MYRIP: variants seen among roughly 807,000 people sequenced by gnomAD.
The protein encoded by MYRIP is myosin VIIA and Rab interacting protein, also known as rab effector MyRIP.
In MYRIP, 49 loss-of-function variants were observed where a neutral mutation model predicts 98.0. The observed-to-expected ratio is 0.50, with a 90% CI of 0.40 to 0.63. The LOEUF is 0.63. Ranked by LOEUF, MYRIP falls within the 30% of genes least tolerant of loss-of-function variation. The pLI is 0.00. For missense variants in MYRIP, 1,004 were observed against 1,058.2 expected (o/e 0.95, Z 0.71); for synonymous variants, 404 against 409.5 (o/e 0.99, Z 0.16).
intron 3 of MYRIP, among the ~76,000 whole-genome samples, chr3:40,066,366 G>C (rs1275705695): frequency 6.6e-6 from 1 of 152,158 alleles, no homozygotes; most frequent in African/African-American, 2.4e-5. Context: ...TGCACTTCTG[G>C]GGGACAAAGC....
At chr3:39,972,358 G>A (rs143057719) in intron 2 of MYRIP, among the ~76,000 whole-genome samples, 5 of 152,046 alleles carry the variant, frequency 3.3e-5, no homozygotes, top group African/African-American at 1.2e-4. Flanking sequence ...GCAATTATTT[G>A]CATATTAATT....
intron 3 of MYRIP, among the ~76,000 whole-genome samples, chr3:40,141,953 T>G (rs1949904857): frequency 6.6e-6 from 1 of 152,134 alleles, no homozygotes; most frequent in Non-Finnish European, 1.5e-5. Flanking sequence ...CATACAAATC[T>G]TAGGAATTTC....
At chr3:40,253,644 G>A (rs775017357) in intron 16 of MYRIP, among the ~76,000 whole-genome samples, 1 of 152,104 alleles carries the variant, frequency 6.6e-6, no homozygotes, top group Admixed American at 6.5e-5. Flanking sequence ...TTTGATCAAC[G>A]GAATAAGTTA....
intron 13 of MYRIP, among the ~76,000 whole-genome samples, chr3:40,247,949 T>A (rs1410728666): frequency 1.3e-5 from 2 of 152,230 alleles, no homozygotes; most frequent in African/African-American, 4.8e-5. Flanking sequence ...GACCCTGCCT[T>A]CAGCTTTGTG....
rs117820657 is a variant in MYRIP, at chr3:40,163,743, G to A, written c.550+933G>A. Among the ~76,000 whole-genome samples, 42 of 152,140 alleles carry A rather than the reference G, an allele frequency of 2.8e-4. 1 individual carries two copies. The East Asian group carries it at 7.4e-3, about 27-fold the overall frequency. On this transcript the variant is annotated intron_variant, in intron 5 of 16. Transcript: ENST00000302541. ...ATACCACTGCTCTTATGGGTCTCCA[G>A]CTTGCACACAGTATATCATGGAACT...
chr3:39,940,421 A>G (rs1005981509), intron 2 of MYRIP, among the ~76,000 whole-genome samples: 16 of 152,144 alleles, frequency 1.1e-4, no homozygotes, highest in African/African-American at 1.4e-4. Flanking sequence ...ATTGGATTAT[A>G]TTATTCAAAC....
intron 1 of MYRIP, among the ~76,000 whole-genome samples, chr3:39,833,150 T>C (rs9835576): frequency 0.67 from 102,596 of 152,066 alleles, 35,584 homozygotes; most frequent in African/African-American, 0.84. Flanking sequence ...AATAGGATGA[T>C]AACAACAACA....
chr3:39,842,722 T>A (rs2168923), intron 1 of MYRIP, among the ~76,000 whole-genome samples: 12,651 of 152,192 alleles, frequency 0.083, 581 homozygotes, highest in African/African-American at 0.12. Context: ...GGGAGTTCCC[T>A]GACCCCTTGC....
At chr3:40,092,589 G>A (rs937400325) in intron 3 of MYRIP, among the ~76,000 whole-genome samples, 1 of 152,188 alleles carries the variant, frequency 6.6e-6, no homozygotes, top group Admixed American at 6.5e-5. Context: ...GGAAGGTGAA[G>A]GTTCTTAAAG....
chr3:40,120,794 C>T (rs1361662085), intron 3 of MYRIP, among the ~76,000 whole-genome samples: 2 of 152,208 alleles, frequency 1.3e-5, no homozygotes, highest in Non-Finnish European at 2.9e-5. Flanking sequence ...AATTCTCTTA[C>T]TCACTTCAAG....
At chr3:40,139,200 A>T (rs948207816) in intron 3 of MYRIP, among the ~76,000 whole-genome samples, 3 of 152,114 alleles carry the variant, frequency 2.0e-5, no homozygotes, top group Non-Finnish European at 4.4e-5. Flanking sequence ...TATATACCAT[A>T]TTTTTTTGTA....
chr3:40,198,471 T>TA (rs926073088), intron 10 of MYRIP, among the ~76,000 whole-genome samples: 15 of 152,118 alleles, frequency 9.9e-5, no homozygotes, highest in East Asian at 3.8e-4. Context: ...TTATATTTAA[T>TA]AAAAAAAATT....
chr3:39,987,012 T>G lies in MYRIP; in HGVS notation c.111-57038T>G, dbSNP rs183877561. Among the ~76,000 whole-genome samples the G allele has an allele frequency of 6.6e-4, 100 of 152,284 alleles. 1 individual carries two copies. Among genetic ancestry groups the G allele is most frequent in the African/African-American group, 2.4e-3 (99 of 41,550 alleles). On this transcript the variant is annotated intron_variant, in intron 2 of 16. Coordinates refer to ENST00000302541, the MANE Select transcript of MYRIP (RefSeq NM_015460.4). ...TCTGCTCTTTATTATTATTATTTTTTAAGTTCCGGGGTACAGGTGCAGAAC... is the reference window on the plus strand; with the variant it reads ...TCTGCTCTTTATTATTATTATTTTTGAAGTTCCGGGGTACAGGTGCAGAAC...
At chr3:39,826,623 TG>T (rs1941275614) in intron 1 of MYRIP, among the ~76,000 whole-genome samples, 1 of 152,154 alleles carries the variant, frequency 6.6e-6, no homozygotes, top group Admixed American at 6.5e-5. Context: ...AACATGCAGC[TG>T]TTGGGTGAAT....
At chr3:40,064,893 C>G (rs1029719624) in intron 3 of MYRIP, among the ~76,000 whole-genome samples, 2 of 152,168 alleles carry the variant, frequency 1.3e-5, no homozygotes, top group African/African-American at 4.8e-5. Context: ...AGGAGGGGAA[C>G]ACTGGATAAC....
intron 1 of MYRIP, among the ~76,000 whole-genome samples, chr3:39,834,659 A>G (rs949014830): frequency 1.3e-4 from 20 of 152,302 alleles, no homozygotes; most frequent in African/African-American, 3.4e-4. Flanking sequence ...ATGCTGTAAT[A>G]TAAGTAATAT....
intron 1 of MYRIP, among the ~76,000 whole-genome samples, chr3:39,867,716 G>T (rs540725382): frequency 1.3e-5 from 2 of 152,120 alleles, no homozygotes; most frequent in Admixed American, 6.5e-5. Flanking sequence ...AAATTGGTAC[G>T]GCCATTATGG....
intron 15 of MYRIP, among the ~76,000 whole-genome samples, chr3:40,250,721 A>G (rs1260750089): frequency 1.3e-5 from 2 of 152,210 alleles, no homozygotes; most frequent in African/African-American, 4.8e-5. Flanking sequence ...AAGAAGATAA[A>G]TGATTCAGAG....
chr3:40,067,071 C>G (rs947092962), intron 3 of MYRIP, among the ~76,000 whole-genome samples: 6 of 152,050 alleles, frequency 3.9e-5, no homozygotes, highest in African/African-American at 1.4e-4. Context: ...ATTCATAAAC[C>G]TATAATGACT....
Sources: gnomAD v4.1 joint callset for allele counts (sites outside exome capture counted in the v4.1 genomes callset) on GRCh38, gnomAD v4.1.1 for gene constraint, MANE v1.5 for transcripts, NCBI Gene and HGNC (gene_info 2026-07-23, HGNC 2026-07-21) for gene names.